Variants in CCNJL observed in about 807,000 individuals in gnomAD.
CCNJL encodes the protein cyclin-J-like protein.
A neutral mutation model predicts 33.4 loss-of-function variants in CCNJL; 33 were observed. That is an observed-to-expected ratio of 0.99 (90% CI 0.75 to 1.32). The LOEUF is 1.32. Ranked by LOEUF, CCNJL falls within the 40% of genes most tolerant of loss-of-function variation. The pLI is 0.00. For missense variants in CCNJL, 512 were observed against 499.7 expected (o/e 1.02, Z -0.23); for synonymous variants, 227 against 220.9 (o/e 1.03, Z -0.24).
intron 3 of CCNJL, chr5:160,276,338 C>T (rs1762009006): frequency 6.6e-6 from 1 of 152,366 alleles, no homozygotes; most frequent in African/African-American, 2.4e-5. Context: ...TTGCTTGAAC[C>T]TGGGAGGTGG....
At chr5:160,289,364 G>A (rs1580990967) in intron 2 of CCNJL, among the ~76,000 whole-genome samples, 1 of 152,216 alleles carries the variant, frequency 6.6e-6, no homozygotes, top group Non-Finnish European at 1.5e-5. Context: ...CTGAATACAT[G>A]GAGAGTGTTT....
At chr5:160,286,158 T>C (rs1762399925) in intron 2 of CCNJL, among the ~76,000 whole-genome samples, 1 of 152,126 alleles carries the variant, frequency 6.6e-6, no homozygotes, top group African/African-American at 2.4e-5. Context: ...CAAACACAAG[T>C]CAGATAGGCA....
intron 3 of CCNJL, among the ~76,000 whole-genome samples, chr5:160,277,742 C>T (rs1266768356): frequency 1.4e-4 from 18 of 133,060 alleles, no homozygotes; most frequent in Admixed American, 2.3e-4. Flanking sequence ...TCCTGTCTAT[C>T]TGTTTTTTTT....
chr5:160,297,467 T>C (rs1477805494), intron 2 of CCNJL, among the ~76,000 whole-genome samples: 1 of 152,112 alleles, frequency 6.6e-6, no homozygotes, highest in African/African-American at 2.4e-5. Context: ...GGAAGATAGA[T>C]GTCCCTAGTG....
intron 1 of CCNJL, among the ~76,000 whole-genome samples, chr5:160,319,544 G>A (rs898563643): frequency 3.9e-5 from 6 of 152,034 alleles, no homozygotes; most frequent in African/African-American, 1.2e-4. Context: ...CAGGTTCCTC[G>A]AAGACAAGAC....
rs368316658 is a variant in CCNJL, at chr5:160,284,131, C to T, written c.67-3393G>A. Among the ~76,000 whole-genome samples, 286 of 152,222 alleles carry T rather than the reference C, an allele frequency of 1.9e-3. 4 individuals carry two copies. The highest frequency in any genetic ancestry group is 6.7e-3 in the African/African-American group (279 of 41,538). On this transcript the variant is annotated intron_variant, in intron 2 of 5. Transcript: ENST00000257536. The stretch of plus-strand genomic sequence containing the variant: ...CTTTGGGAGGCTGAGGCGGGTGGAT[C>T]GCTTGAGTTTAGGAGTTTGAGACTA...
At chr5:160,269,412 G>A (rs1340396243) in intron 3 of CCNJL, 4 of 456,364 alleles carry the variant, frequency 8.8e-6, no homozygotes, top group Non-Finnish European at 1.8e-5. Context: ...CTCCTGTCAC[G>A]AAAGAAGGTT....
chr5:160,300,724 A>G (rs1057093050), intron 2 of CCNJL, among the ~76,000 whole-genome samples: 1 of 151,990 alleles, frequency 6.6e-6, no homozygotes, highest in East Asian at 1.9e-4. Flanking sequence ...CTCTGGCATA[A>G]TCATAGCACA....
At position 160,278,803 on chromosome 5, in the gene CCNJL, G is replaced by A. The variant is rs552732309; in HGVS notation, c.280+1722C>T. On this transcript the variant is annotated intron_variant, in intron 3 of 5. Transcript: ENST00000257536. ...CACAGACAGCAGCAGGCCAAAGGCC[G>A]TGGCGCAAATTTCTCCTGTGCTGCT... is the stretch of plus-strand genomic sequence containing the variant. 3.6e-3 allele frequency among the ~76,000 whole-genome samples: 553 copies of A among 152,358 alleles called. 5 individuals are homozygous for A. The highest frequency in any genetic ancestry group is 0.013 in the African/African-American group (525 of 41,588).
chr5:160,264,914 G>A (rs745857908), intron 3 of CCNJL, among the ~76,000 whole-genome samples: 37 of 152,044 alleles, frequency 2.4e-4, no homozygotes, highest in Non-Finnish European at 3.8e-4. Flanking sequence ...TTAAAAAGCC[G>A]TTTCATTTTA....
intron 3 of CCNJL, among the ~76,000 whole-genome samples, chr5:160,272,260 T>C (rs1328774375): frequency 2.6e-5 from 4 of 152,174 alleles, no homozygotes; most frequent in Admixed American, 1.3e-4. Flanking sequence ...AAGCAACAGT[T>C]GCCAAGTAAT....
intron 2 of CCNJL, among the ~76,000 whole-genome samples, chr5:160,281,853 T>C (rs1762226431): frequency 6.6e-6 from 1 of 152,070 alleles, no homozygotes; most frequent in East Asian, 1.9e-4. Context: ...AGGGGTCTCA[T>C]TGTGTTGCCT....
chr5:160,284,966 C>T (rs1363717), intron 2 of CCNJL, among the ~76,000 whole-genome samples: 19,705 of 151,450 alleles, frequency 0.13, 1,682 homozygotes, highest in South Asian at 0.23. Flanking sequence ...GGCTCACACC[C>T]GTAATCTCAG....
At chr5:160,292,834 T>C (rs1762631024) in intron 2 of CCNJL, among the ~76,000 whole-genome samples, 1 of 152,232 alleles carries the variant, frequency 6.6e-6, no homozygotes, top group Admixed American at 6.5e-5. Flanking sequence ...AATTATAAAC[T>C]ATGCACCTAG....
At chr5:160,274,018 T>C (rs1302564184) in intron 3 of CCNJL, among the ~76,000 whole-genome samples, 1 of 152,146 alleles carries the variant, frequency 6.6e-6, no homozygotes, top group East Asian at 1.9e-4. Flanking sequence ...ACTGTGTTTG[T>C]ATATCCATGG....
chr5:160,326,770 C>G (rs570514550), intron 1 of CCNJL: 1 of 869,436 alleles, frequency 1.2e-6, no homozygotes, highest in Non-Finnish European at 1.9e-6. Flanking sequence ...GATAAACTTA[C>G]AAAATAGATC....
intron 2 of CCNJL, among the ~76,000 whole-genome samples, chr5:160,292,736 A>AT (rs1041823607): frequency 2.0e-5 from 3 of 151,830 alleles, no homozygotes; most frequent in African/African-American, 4.8e-5. Flanking sequence ...ACAATTTAAT[A>AT]TTTTTTTCTA....
chr5:160,331,503 C>T (rs138227238), intron 1 of CCNJL, among the ~76,000 whole-genome samples: 4,162 of 152,258 alleles, frequency 0.027, 182 homozygotes, highest in African/African-American at 0.094. Context: ...GGATTACAGG[C>T]GTGAGCCACC....
rs149926429 is a variant in CCNJL, at chr5:160,317,994, C to T, written n.207-2489G>A. Among the ~76,000 whole-genome samples the T allele has an allele frequency of 5.3e-5, 8 of 151,860 alleles. No homozygotes were observed. In the East Asian group the frequency reaches 1.2e-3, roughly 22 times the overall value. On this transcript the variant is annotated intron_variant and non_coding_transcript_variant, in intron 1 of 7. Coordinates refer to the CCNJL transcript ENST00000377503. ...CACGGGCTTCTTCTCTTTCTCTTCA[C>T]GTAGTCTTCTTTTTCTTCTTCTTTT...
Sources: allele counts gnomAD v4.1 joint callset (sites outside exome capture counted in the v4.1 genomes callset), GRCh38; gene constraint gnomAD v4.1.1; transcripts MANE v1.5; gene names NCBI Gene and HGNC (gene_info 2026-07-23, HGNC 2026-07-21).